Variants in SLC44A2 observed in about 807,000 individuals in gnomAD.
SLC44A2 encodes choline transporter-like protein 2.
A neutral mutation model predicts 90.8 loss-of-function variants in SLC44A2; 57 were observed. The ratio of observed to expected loss-of-function variants is 0.63; its 90% CI spans 0.51 to 0.78. The LOEUF (loss-of-function observed/expected upper bound fraction) is 0.78. Ranked by LOEUF, SLC44A2 falls within the 30% of genes least tolerant of loss-of-function variation. SLC44A2 has a pLI of 0.00. For synonymous variants in SLC44A2, 355 were observed against 360.7 expected (o/e 0.98, Z 0.18); for missense variants, 794 against 919.7 (o/e 0.86, Z 1.77).
intron 1 of SLC44A2, among the ~76,000 whole-genome samples, chr19:10,611,223 G>A (rs1056278220): frequency 7.2e-5 from 11 of 151,986 alleles, no homozygotes; most frequent in South Asian, 2.1e-4. Flanking sequence ...AGGCCCAGGC[G>A]GGTAGGTCAC....
chr19:10,622,047 C>T (rs1368047452), upstream of SLC44A2, among the ~76,000 whole-genome samples: 2 of 152,220 alleles, frequency 1.3e-5, no homozygotes, highest in African/African-American at 4.8e-5. Context: ...CAGGCTTGAG[C>T]CACCACGCCT....
Position 10,643,374 on chromosome 19 carries a change from G to A in SLC44A2, c.2110G>A (p.Ala704Thr), listed in dbSNP as rs2067139051. Reference protein sequence around the residue: ...KLLNKTNKKAAES With the variant: ...KLLNKTNKKATES ...CTTGAACAAGACCAACAAGAAGGCA[G>A]CGGAGTCCTGAAGGCCCCGTGCTCC... Residue 704 changes from alanine to threonine, a missense_variant, in exon 22 of 22, where the codon GCG becomes ACG. Transcript: ENST00000335757. 6.2e-7 allele frequency: 1 copy of A among 1,611,854 alleles called. No individual in the cohort carries two copies. Among genetic ancestry groups the A allele is most frequent in the Non-Finnish European group, 8.5e-7 (1 of 1,178,812 alleles).
At chr19:10,602,666 T>C in intron 1 of SLC44A2, 1 of 1,077,232 alleles carries the variant, frequency 9.3e-7, no homozygotes, top group Non-Finnish European at 1.2e-6. Flanking sequence ...TGCGGCTGGA[T>C]GGCCCTCCGC....
At chr19:10,642,290 G>A (rs2067124716) in intron 20 of SLC44A2, 77 bp from the exon 21 acceptor site, 2 of 1,229,158 alleles carry the variant, frequency 1.6e-6, no homozygotes, top group South Asian at 2.4e-5. Context: ...TGTGGTCCCA[G>A]CATAGGATGG....
intron 20 of SLC44A2, chr19:10,641,265 A>G: frequency 2.7e-6 from 1 of 366,042 alleles, no homozygotes; most frequent in South Asian, 2.0e-5. Flanking sequence ...ATGCTGGAAC[A>G]TGCCTGTAGT....
rs745363580 is a variant in SLC44A2, at chr19:10,637,842, C to T, written c.1696-14C>T. 12 of 1,613,998 alleles carry T rather than the reference C, an allele frequency of 7.4e-6. No homozygotes were observed. Among genetic ancestry groups the T allele is most frequent in the Non-Finnish European group, 1.0e-5 (12 of 1,180,014 alleles). On this transcript the variant is annotated splice_polypyrimidine_tract_variant and intron_variant, in intron 17 of 21. Coordinates refer to ENST00000335757, the MANE Select transcript of SLC44A2 (RefSeq NM_020428.4). ...ACCCAGTGGGTCTGATCTCTCCCTC[C>T]CACTCTCCTCCAGATTGCCATCTAC...
chr19:10,640,761 G>A (rs1009352066), intron 20 of SLC44A2, among the ~76,000 whole-genome samples: 1 of 152,172 alleles, frequency 6.6e-6, no homozygotes, highest in Non-Finnish European at 1.5e-5. Context: ...CAAGAGCTCA[G>A]GAGGGGTGCC....
At chr19:10,615,630 A>G (rs117707627) in intron 1 of SLC44A2, among the ~76,000 whole-genome samples, 4,567 of 150,478 alleles carry the variant, frequency 0.03, 97 homozygotes, top group Non-Finnish European at 0.046. Flanking sequence ...AGGAAGAGGA[A>G]GGGGAGGGGT....
intron 1 of SLC44A2, among the ~76,000 whole-genome samples, chr19:10,614,664 A>G (rs548087528): frequency 1.3e-5 from 2 of 152,288 alleles, no homozygotes; most frequent in South Asian, 2.1e-4. Flanking sequence ...TCTTACAATA[A>G]AGTAAGCTGA....
In SLC44A2 at chr19:10,643,166, C is replaced by T. The variant is rs949204683; in HGVS notation, c.2015-113C>T. On this transcript the variant is annotated intron_variant, in intron 21 of 21. Coordinates refer to ENST00000335757, the MANE Select transcript of SLC44A2 (RefSeq NM_020428.4). The stretch of plus-strand genomic sequence containing the variant: ...CTGCCCCTCTCTGGTCCCAGTGTGT[C>T]TGCTTTCTAACCCTCTGAGGCTTCT... 2.0e-6 allele frequency: 3 copies of T among 1,466,600 alleles called. No individual in the cohort carries two copies. The African/African-American group carries it at 4.2e-5, about 21-fold the overall frequency. The allele number at this position is 1,466,600 out of a possible 1,614,324, so 90.8% of individuals were successfully genotyped here.
chr19:10,613,954 T>G (rs114070891), intron 1 of SLC44A2, among the ~76,000 whole-genome samples: 1,656 of 151,992 alleles, frequency 0.011, 32 homozygotes, highest in African/African-American at 0.038. Context: ...AAATTTGTGG[T>G]TTTTATTTAT....
At chr19:10,627,406 T>C (rs1222098654) in intron 2 of SLC44A2, among the ~76,000 whole-genome samples, 1 of 148,952 alleles carries the variant, frequency 6.7e-6, no homozygotes, top group African/African-American at 2.5e-5. Flanking sequence ...AAATGTGTGG[T>C]GGTGTGCACC....
At chr19:10,612,949 C>T (rs142374838) in intron 1 of SLC44A2, among the ~76,000 whole-genome samples, 44 of 152,324 alleles carry the variant, frequency 2.9e-4, no homozygotes, top group Middle Eastern at 6.8e-3. Context: ...TGGCTGTGCT[C>T]CTCACCAGCT....
At chr19:10,619,913 C>G (rs1357547874) in intron 1 of SLC44A2, among the ~76,000 whole-genome samples, 5 of 151,824 alleles carry the variant, frequency 3.3e-5, no homozygotes, top group Non-Finnish European at 5.9e-5. Context: ...CAAGATCATG[C>G]CACTGCACTC....
At chr19:10,611,707 A>G (rs921254505) in intron 1 of SLC44A2, among the ~76,000 whole-genome samples, 5 of 151,960 alleles carry the variant, frequency 3.3e-5, no homozygotes, top group African/African-American at 1.2e-4. Context: ...CTGTGGTCCG[A>G]GCCACTCTGG....
At chr19:10,625,703 C>T (rs1230613236) in intron 1 of SLC44A2, 33 bp downstream of exon 1, 2 of 1,244,250 alleles carry the variant, frequency 1.6e-6, no homozygotes, top group Non-Finnish European at 2.0e-6. Context: ...AGCCCCGGGC[C>T]GACCCCTCGG....
intron 2 of SLC44A2, among the ~76,000 whole-genome samples, chr19:10,627,119 G>A (rs572362563): frequency 6.6e-6 from 1 of 152,072 alleles, no homozygotes; most frequent in South Asian, 2.1e-4. Context: ...TTAGGAGTTC[G>A]AGACCAGCCT....
Position 10,635,197 on chromosome 19 carries a change from C to T in SLC44A2, c.1090C>T (p.Pro364Ser). ...ATACGTCATGTGCTCCTTGCTCTAC[C>T]CACTGGTCACCTTCTTCTTGCTGTG... ...VGYVMCSLLY[P>S]LVTFFLLCLC... Residue 364 changes from proline (P) to serine (S), a missense_variant, in exon 13 of 22, where the codon CCA becomes TCA. Pro to Ser is a moderately conservative substitution (Grantham distance 74). This residue lies in a region of SLC44A2 where 738 missense variants were observed against 841.1 expected (regional missense o/e 0.88). Transcript: ENST00000335757. 4 of 1,614,006 alleles carry T rather than the reference C, an allele frequency of 2.5e-6. No homozygotes were observed. The highest frequency in any genetic ancestry group is 3.4e-6 in the Non-Finnish European group (4 of 1,180,012).
rs537143453 is a variant in SLC44A2 at position 10,638,644 on chromosome 19, A to AT, written c.1929+339dup. 5.8e-3 allele frequency among the ~76,000 whole-genome samples: 859 copies of AT among 148,860 alleles called. 5 individuals are homozygous for AT. Among genetic ancestry groups the AT allele is most frequent in the Non-Finnish European group, 6.5e-3 (436 of 66,998 alleles). On this transcript the variant is annotated intron_variant, in intron 20 of 21. Transcript: ENST00000335757. The stretch of plus-strand genomic sequence containing the variant: ...ATATTTATTTTTTAATTTTAATTTA[A>AT]TTTTTTTTTTGAGACAGACTCACTC...
Sources: allele counts gnomAD v4.1 joint callset (sites outside exome capture counted in the v4.1 genomes callset), GRCh38; gene constraint gnomAD v4.1.1; regional missense constraint gnomAD v4.1.1; transcripts MANE v1.5; gene names NCBI Gene and HGNC (gene_info 2026-07-23, HGNC 2026-07-21).